Variants in AGAP1 observed in about 807,000 individuals in gnomAD.
AGAP1 encodes the protein arf-GAP with GTPase, ANK repeat and PH domain-containing protein 1.
AGAP1 carries 29 observed loss-of-function variants against 105.3 expected under a neutral mutation model. That is an observed-to-expected ratio of 0.28 (90% CI 0.21 to 0.38). The LOEUF is 0.38. AGAP1 is among the 10% of genes least tolerant of loss of function. The probability of loss-of-function intolerance (pLI) is 1.00; values close to 1 mark genes in which losing one functional copy is unlikely to be tolerated. For synonymous variants in AGAP1, 509 were observed against 485.9 expected (o/e 1.05, Z -0.63); for missense variants, 998 against 1,165.1 (o/e 0.86, Z 2.09).
chr2:235,670,092 C>G, intron 1 of AGAP1: 1 of 447,424 alleles, frequency 2.2e-6, no homozygotes, highest in Non-Finnish European at 3.9e-6. Context: ...CCCCAGCGCG[C>G]GGGCGACATG....
At chr2:235,704,271 G>A (rs1430449718) in intron 1 of AGAP1, among the ~76,000 whole-genome samples, 1 of 152,222 alleles carries the variant, frequency 6.6e-6, no homozygotes, top group Admixed American at 6.5e-5. Flanking sequence ...TTTTACACTT[G>A]TAACATCTGC....
chr2:235,735,904 A>G lies in AGAP1; in HGVS notation c.311-5059A>G, dbSNP rs562431262. ...AGAAGATGGGACCGCTGTATCCCCA[A>G]GTAGCTCGGGCGAGGTGAGAGCACT... On this transcript the variant is annotated intron_variant, in intron 3 of 17. Coordinates refer to ENST00000304032, the MANE Select transcript of AGAP1 (RefSeq NM_001037131.3). 3.3e-5 allele frequency among the ~76,000 whole-genome samples: 5 copies of G among 152,188 alleles called. 1 individual carries two copies. The East Asian group carries it at 9.7e-4, about 29-fold the overall frequency.
intron 12 of AGAP1, among the ~76,000 whole-genome samples, chr2:235,939,063 A>G (rs990550219): frequency 4.6e-5 from 7 of 152,172 alleles, no homozygotes; most frequent in Admixed American, 2.0e-4. Flanking sequence ...GTTATAGGAC[A>G]AAATCTGATC....
rs895303580 is a variant in AGAP1, at chr2:236,129,708, G to C, written c.*5586G>C. The stretch of plus-strand genomic sequence containing the variant: ...TAAATAGACTGTTGAAATATTAATG[G>C]CCCCCCCATTTAATCAGTGTGTCTG... On this transcript the variant is annotated 3_prime_UTR_variant, in exon 18 of 18. Transcript: ENST00000304032. The surrounding 1 kb of genome is among the most constrained non-coding windows in gnomAD (Gnocchi z 6.2). The C allele has an allele frequency of 1.3e-5, 2 of 152,050 alleles. No homozygotes were observed. Among genetic ancestry groups the C allele is most frequent in the African/African-American group, 2.4e-5 (1 of 41,404 alleles). The allele number at this position is 152,050 out of a possible 1,614,324, so 9.4% of individuals were successfully genotyped here. A position where few individuals can be genotyped will look rare whatever the true frequency, so the allele number is the denominator to read the frequency against.
chr2:236,068,972 C>A, intron 16 of AGAP1, among the ~76,000 whole-genome samples: 1 of 151,008 alleles, frequency 6.6e-6, no homozygotes, highest in East Asian at 2.0e-4. Context: ...ACTAAAAATA[C>A]AAAAATTAGC....
Position 235,566,685 on chromosome 2 carries a change from C to T in AGAP1, c.163+71836C>T, listed in dbSNP as rs572530951. The T allele has an allele frequency of 7.3e-6, 6 of 823,124 alleles. No homozygotes were observed. In the East Asian group the frequency reaches 3.7e-4, roughly 51 times the overall value. The allele number at this position is 823,124 out of a possible 1,614,324, so 51.0% of individuals were successfully genotyped here. On this transcript the variant is annotated intron_variant, in intron 1 of 17. Transcript: ENST00000304032. The surrounding 1 kb of genome is among the most constrained non-coding windows in gnomAD (Gnocchi z 5.2). ...CAGCCGGGACCGGGGAGAGGCTGTTCGAGGAACACAGGATGCATATTCAGG... is the reference window on the plus strand; with the variant it reads ...CAGCCGGGACCGGGGAGAGGCTGTTTGAGGAACACAGGATGCATATTCAGG...
At chr2:236,063,068 G>A (rs368968274) in intron 16 of AGAP1, among the ~76,000 whole-genome samples, 7 of 152,010 alleles carry the variant, frequency 4.6e-5, no homozygotes, top group Non-Finnish European at 1.0e-4. Context: ...GATTACAGGG[G>A]TGAGGCACTG....
intron 6 of AGAP1, among the ~76,000 whole-genome samples, chr2:235,783,935 C>T (rs117981802): frequency 1.3e-5 from 2 of 151,958 alleles, no homozygotes; most frequent in South Asian, 2.1e-4. Context: ...ATGCCTGCAC[C>T]GTAGTTGAAT....
intron 9 of AGAP1, among the ~76,000 whole-genome samples, chr2:235,876,556 C>T (rs2049739420): frequency 6.6e-6 from 1 of 152,190 alleles, no homozygotes; most frequent in African/African-American, 2.4e-5. Flanking sequence ...GGGGCACCAG[C>T]CCCCCAGTGC....
rs2057850914 is a variant in AGAP1, at chr2:236,050,035, A to G, written c.2114+754A>G. On this transcript the variant is annotated intron_variant, in intron 16 of 17. Transcript: ENST00000304032. This position sits in a 1 kb window ranked among gnomAD's most constrained non-coding sequence, Gnocchi z 4.0. ...CCAGGGTTGCTCATTTTCACCCACAATAGGAAGTGGGAGGTTGAGGTTTGC... is the reference window on the plus strand; with the variant it reads ...CCAGGGTTGCTCATTTTCACCCACAGTAGGAAGTGGGAGGTTGAGGTTTGC... 6.6e-6 allele frequency among the ~76,000 whole-genome samples: 1 copy of G among 152,160 alleles called. No individual in the cohort carries two copies. Among genetic ancestry groups the G allele is most frequent in the Non-Finnish European group, 1.5e-5 (1 of 68,036 alleles).
At chr2:235,940,966 G>A (rs1651816878) in intron 12 of AGAP1, among the ~76,000 whole-genome samples, 1 of 152,240 alleles carries the variant, frequency 6.6e-6, no homozygotes, top group African/African-American at 2.4e-5. Flanking sequence ...CAGGGGTGGG[G>A]TGGCTTGGTG....
intron 16 of AGAP1, among the ~76,000 whole-genome samples, chr2:236,099,969 G>A (rs552214496): frequency 2.6e-5 from 4 of 152,264 alleles, no homozygotes; most frequent in African/African-American, 9.6e-5. Context: ...GAACCCGGGA[G>A]GCAGAGGTTC....
Position 236,076,953 on chromosome 2 carries a change from C to CA in AGAP1, c.2114+27683dup, listed in dbSNP as rs544737648. ...AAACCCTGTCACTACAGAAAATACC[C>CA]AAAAAAAAAAAGCCAGGCATGGTGG... On this transcript the variant is annotated intron_variant, in intron 16 of 17. Transcript: ENST00000304032. This position sits in a 1 kb window ranked among gnomAD's most constrained non-coding sequence, Gnocchi z 4.4. 4.4e-3 allele frequency among the ~76,000 whole-genome samples: 597 copies of CA among 137,146 alleles called. 2 individuals are homozygous for CA. Among genetic ancestry groups the CA allele is most frequent in the South Asian group, 0.027 (115 of 4,202 alleles). 90.0% of individuals were successfully genotyped at this position (137,146 alleles called of 152,430 possible). A position where few individuals can be genotyped will look rare whatever the true frequency, so the allele number is the denominator to read the frequency against.
chr2:235,665,058 C>CA lies in AGAP1; in HGVS notation c.164-44114dup, dbSNP rs11419586. On this transcript the variant is annotated intron_variant, in intron 1 of 17. Coordinates refer to ENST00000304032, the MANE Select transcript of AGAP1 (RefSeq NM_001037131.3). This position sits in a 1 kb window ranked among gnomAD's most constrained non-coding sequence, Gnocchi z 5.3. The stretch of plus-strand genomic sequence containing the variant: ...CAACATGGCAAGACCCTCCTCTCTA[C>CA]AAAAAAATTTAAAAATTAGCCAGGG... 0.011 allele frequency among the ~76,000 whole-genome samples: 1,712 copies of CA among 152,136 alleles called. 28 individuals are homozygous for CA. The highest frequency in any genetic ancestry group is 0.039 in the African/African-American group (1,603 of 41,498).
At chr2:235,507,898 A>T (rs1941893628) in intron 1 of AGAP1, among the ~76,000 whole-genome samples, 1 of 152,170 alleles carries the variant, frequency 6.6e-6, no homozygotes, top group Admixed American at 6.5e-5. Flanking sequence ...ACAGATTATT[A>T]CAACGCATAG....
chr2:236,096,400 C>G lies in AGAP1; in HGVS notation c.2115-23792C>G, dbSNP rs1239555056. 6.6e-6 allele frequency among the ~76,000 whole-genome samples: 1 copy of G among 151,382 alleles called. No individual in the cohort carries two copies. Among genetic ancestry groups the G allele is most frequent in the African/African-American group, 2.4e-5 (1 of 41,230 alleles). ...CCCATAATCCCAACTACTTGGGAAG[C>G]TGAGGCAAGAGAATCCCTTGAACCT... is the stretch of plus-strand genomic sequence containing the variant. On this transcript the variant is annotated intron_variant, in intron 16 of 17. Coordinates refer to ENST00000304032, the MANE Select transcript of AGAP1 (RefSeq NM_001037131.3). This position sits in a 1 kb window ranked among gnomAD's most constrained non-coding sequence, Gnocchi z 4.4.
intron 1 of AGAP1, among the ~76,000 whole-genome samples, chr2:235,613,794 C>T (rs192730276): frequency 1.6e-4 from 24 of 152,288 alleles, no homozygotes; most frequent in African/African-American, 5.1e-4. Context: ...CTAATTGGCG[C>T]GGGCCTCCCT....
intron 6 of AGAP1, among the ~76,000 whole-genome samples, chr2:235,794,763 C>T (rs912969180): frequency 3.3e-5 from 5 of 152,148 alleles, no homozygotes; most frequent in African/African-American, 7.2e-5. Flanking sequence ...TGAGCCACCG[C>T]GCCCAGCCGC....
At chr2:236,007,293 A>G (rs1338965809) in intron 13 of AGAP1, among the ~76,000 whole-genome samples, 2 of 152,234 alleles carry the variant, frequency 1.3e-5, no homozygotes, top group African/African-American at 4.8e-5. Flanking sequence ...TCTCTAGTAG[A>G]TATTTTCACC....
Sources: gnomAD v4.1 joint callset for allele counts (sites outside exome capture counted in the v4.1 genomes callset) on GRCh38, gnomAD v4.1.1 for gene constraint, Gnocchi (gnomAD v3.1) non-coding constraint, MANE v1.5 for transcripts, NCBI Gene and HGNC (gene_info 2026-07-23, HGNC 2026-07-21) for gene names.